The following TNIK variants were observed in gnomAD, a reference collection of about 807,000 sequenced individuals.
TNIK encodes TRAF2 and NCK-interacting protein kinase.
Under a neutral mutation model 191.3 loss-of-function variants are expected in TNIK, and 49 were observed. The observed-to-expected ratio is 0.26, with a 90% CI of 0.20 to 0.32. The LOEUF is 0.32. Among genes scored for constraint, TNIK ranks in the 10% least tolerant of loss-of-function variants. The probability of loss-of-function intolerance (pLI) is 1.00; values close to 1 mark genes in which losing one functional copy is unlikely to be tolerated. For missense variants in TNIK, 1,155 were observed against 1,702.3 expected (o/e 0.68, Z 5.66); for synonymous variants, 594 against 600.9 (o/e 0.99, Z 0.17).
At chr3:171,172,965 A>T (rs1312741985) in intron 9 of TNIK, among the ~76,000 whole-genome samples, 1 of 152,170 alleles carries the variant, frequency 6.6e-6, no homozygotes, top group Non-Finnish European at 1.5e-5. Context: ...AGGTCAGCAC[A>T]CCGTTGATCT....
chr3:171,167,049 A>C, intron 10 of TNIK, 46 bp downstream of exon 10: 1 of 1,585,944 alleles, frequency 6.3e-7, no homozygotes, highest in South Asian at 1.2e-5. Context: ...CCCATGATTC[A>C]CTCCATCTTT....
intron 2 of TNIK, among the ~76,000 whole-genome samples, chr3:171,268,574 A>T (rs1402550734): frequency 6.6e-6 from 1 of 151,968 alleles, no homozygotes; most frequent in African/African-American, 2.4e-5. Context: ...GCTTTAACTG[A>T]TGTCCAGCTC....
chr3:171,186,718 A>T (rs1002720953), intron 7 of TNIK, among the ~76,000 whole-genome samples: 7 of 152,300 alleles, frequency 4.6e-5, no homozygotes, highest in African/African-American at 1.7e-4. Context: ...CAATCTTTTT[A>T]ATGTCTCAGG....
At chr3:171,220,444 A>G (rs943694879) in intron 3 of TNIK, among the ~76,000 whole-genome samples, 63 of 152,266 alleles carry the variant, frequency 4.1e-4, no homozygotes, top group African/African-American at 1.4e-3. Flanking sequence ...ATTAAATAGA[A>G]ATTCAAAATA....
intron 1 of TNIK, among the ~76,000 whole-genome samples, chr3:171,395,496 T>G (rs1720102574): frequency 6.6e-6 from 1 of 152,152 alleles, no homozygotes; most frequent in Admixed American, 6.5e-5. Flanking sequence ...ACATTATATG[T>G]CCCATTACAT....
intron 2 of TNIK, among the ~76,000 whole-genome samples, chr3:171,298,490 T>G (rs10154882): frequency 0.45 from 68,889 of 152,064 alleles, 16,305 homozygotes; most frequent in Non-Finnish European, 0.51. Context: ...TCACGTGATA[T>G]AGTTCTGACC....
intron 2 of TNIK, among the ~76,000 whole-genome samples, chr3:171,274,501 G>T (rs944596033): frequency 6.6e-6 from 1 of 152,030 alleles, no homozygotes; most frequent in Non-Finnish European, 1.5e-5. Context: ...AAGCCAGGAG[G>T]GGGAAGTTAA....
chr3:171,210,893 G>C (rs1371791033), intron 4 of TNIK, among the ~76,000 whole-genome samples: 2 of 151,830 alleles, frequency 1.3e-5, no homozygotes, highest in African/African-American at 4.8e-5. Context: ...ATTGGCTTTG[G>C]GGATGGTCCA....
At chr3:171,175,741 AT>A (rs1735878361) in intron 8 of TNIK, among the ~76,000 whole-genome samples, 2 of 152,348 alleles carry the variant, frequency 1.3e-5, no homozygotes, top group South Asian at 4.1e-4. Flanking sequence ...GCATTTCATT[AT>A]CCCGTCTATT....
intron 2 of TNIK, among the ~76,000 whole-genome samples, chr3:171,330,759 C>G (rs181909888): frequency 7.6e-4 from 115 of 152,270 alleles, no homozygotes; most frequent in Non-Finnish European, 1.4e-3. Flanking sequence ...AACCACTACT[C>G]TGCCCTTCAG....
chr3:171,072,878 C>T (rs1334883763), intron 28 of TNIK, among the ~76,000 whole-genome samples: 1 of 151,830 alleles, frequency 6.6e-6, no homozygotes, highest in Non-Finnish European at 1.5e-5. Flanking sequence ...GGTGAAAGAC[C>T]CCTACAAGGA....
chr3:171,090,337 T>C (rs1041696634), intron 23 of TNIK, among the ~76,000 whole-genome samples: 5 of 152,112 alleles, frequency 3.3e-5, no homozygotes, highest in African/African-American at 1.2e-4. Context: ...TTCCATGAAA[T>C]ACCCTAAATC....
At chr3:171,344,927 T>G (rs1711923786) in intron 2 of TNIK, among the ~76,000 whole-genome samples, 1 of 152,106 alleles carries the variant, frequency 6.6e-6, no homozygotes, top group Admixed American at 6.5e-5. Flanking sequence ...GATTAATAAC[T>G]CATTTGTATA....
At chr3:171,400,506 C>T (rs1577787480) in intron 1 of TNIK, among the ~76,000 whole-genome samples, 1 of 151,772 alleles carries the variant, frequency 6.6e-6, no homozygotes, top group Non-Finnish European at 1.5e-5. Flanking sequence ...GAGGTCAAGG[C>T]TGCAGTGAGC....
At chr3:171,319,732 G>A (rs34128525) in intron 2 of TNIK, among the ~76,000 whole-genome samples, 44,603 of 152,028 alleles carry the variant, frequency 0.29, 6,672 homozygotes, top group East Asian at 0.37. Context: ...CAAAAGGAAC[G>A]AGACCTTTTT....
chr3:171,115,565 G>A (rs1726560138), intron 18 of TNIK, among the ~76,000 whole-genome samples: 1 of 152,238 alleles, frequency 6.6e-6, no homozygotes, highest in Non-Finnish European at 1.5e-5. Context: ...ACTGGGTGTT[G>A]TAGCAGGAAG....
intron 3 of TNIK, among the ~76,000 whole-genome samples, chr3:171,218,981 A>C (rs1440181747): frequency 7.7e-6 from 1 of 129,194 alleles, no homozygotes; most frequent in Non-Finnish European, 1.6e-5. Flanking sequence ...ATTTATATTT[A>C]TATTAAATTA....
intron 1 of TNIK, among the ~76,000 whole-genome samples, chr3:171,418,316 G>A (rs187184382): frequency 3.3e-5 from 5 of 152,170 alleles, no homozygotes; most frequent in Admixed American, 6.5e-5. Context: ...AGACTAAAAC[G>A]TGGGCCAAAC....
intron 28 of TNIK, among the ~76,000 whole-genome samples, chr3:171,073,483 C>A (rs1240305503): frequency 6.6e-6 from 1 of 152,064 alleles, no homozygotes; most frequent in Non-Finnish European, 1.5e-5. Flanking sequence ...ATGACTAACA[C>A]CTCAAAAGCA....
Sources: allele counts gnomAD v4.1 joint callset (sites outside exome capture counted in the v4.1 genomes callset), GRCh38; gene constraint gnomAD v4.1.1; transcripts MANE v1.5; gene names NCBI Gene and HGNC (gene_info 2026-07-23, HGNC 2026-07-21).